UBR1: variants seen among roughly 807,000 people sequenced by gnomAD.
UBR1 encodes ubiquitin protein ligase E3 component n-recognin 1, also known as E3 ubiquitin-protein ligase UBR1.
A neutral mutation model predicts 242.1 loss-of-function variants in UBR1; 102 were observed. The ratio of observed to expected loss-of-function variants is 0.42; its 90% CI spans 0.36 to 0.50. The LOEUF is 0.50. Ranked by LOEUF, UBR1 falls within the 20% of genes least tolerant of loss-of-function variation. UBR1 has a pLI of 0.01. For missense variants in UBR1, 1,772 were observed against 2,101.8 expected, an observed-to-expected ratio of 0.84 and a Z score of 3.07; for synonymous variants, 675 against 684.8, an observed-to-expected ratio of 0.99 and a Z score of 0.22.
chr15:43,069,380 C>A (rs2033795346), intron 5 of UBR1, among the ~76,000 whole-genome samples: 1 of 151,914 alleles, frequency 6.6e-6, no homozygotes, highest in East Asian at 1.9e-4. Flanking sequence ...GGGTTCACGC[C>A]ATTCTCATGC....
intron 42 of UBR1, among the ~76,000 whole-genome samples, chr15:42,963,222 G>A (rs2032050673): frequency 6.6e-6 from 1 of 152,040 alleles, no homozygotes; most frequent in Non-Finnish European, 1.5e-5. Flanking sequence ...GCACAAGAAG[G>A]GTGGTAGGAG....
intron 9 of UBR1, 132 bp from the exon 10 acceptor site, chr15:43,058,561 A>G: frequency 3.2e-6 from 2 of 626,938 alleles, no homozygotes; most frequent in South Asian, 4.2e-5. Flanking sequence ...AATAGTATTT[A>G]TTGTATTAAT....
At chr15:43,002,161 G>T (rs1267094167) in intron 32 of UBR1, among the ~76,000 whole-genome samples, 1 of 152,092 alleles carries the variant, frequency 6.6e-6, no homozygotes, top group African/African-American at 2.4e-5. Flanking sequence ...TTCCTTTAAA[G>T]AATAAAAAAC....
intron 33 of UBR1, among the ~76,000 whole-genome samples, chr15:42,992,471 G>T (rs1222268871): frequency 6.6e-6 from 1 of 152,240 alleles, no homozygotes; most frequent in African/African-American, 2.4e-5. Flanking sequence ...CTCATCCTCT[G>T]TGGATGGTGA....
At chr15:42,984,767 C>T (rs1383896844) in intron 36 of UBR1, 120 bp downstream of exon 36, 25 of 902,340 alleles carry the variant, frequency 2.8e-5, no homozygotes, top group Non-Finnish European at 4.3e-5. Flanking sequence ...TTTTTCCCCA[C>T]TATAGAATTC....
intron 1 of UBR1, among the ~76,000 whole-genome samples, chr15:43,105,585 A>G (rs1197497194): frequency 6.6e-6 from 1 of 152,052 alleles, no homozygotes. Context: ...CTGCGTTCCC[A>G]TCATCAAGAG....
chr15:43,104,889 C>T (rs899545838), intron 1 of UBR1, among the ~76,000 whole-genome samples: 3 of 151,926 alleles, frequency 2.0e-5, no homozygotes, highest in African/African-American at 4.8e-5. Context: ...CACCTGTAAT[C>T]CCAGCTACTC....
intron 1 of UBR1, among the ~76,000 whole-genome samples, chr15:43,088,858 T>C (rs183750674): frequency 1.0e-4 from 15 of 150,590 alleles, no homozygotes; most frequent in African/African-American, 3.8e-4. Context: ...AAAAAAAACT[T>C]TTAAAAAATC....
At chr15:43,052,794 G>A (rs2033572522) in intron 12 of UBR1, among the ~76,000 whole-genome samples, 1 of 152,172 alleles carries the variant, frequency 6.6e-6, no homozygotes, top group East Asian at 1.9e-4. Context: ...TGATTGGTGT[G>A]TTAGGCCAGG....
intron 12 of UBR1, among the ~76,000 whole-genome samples, chr15:43,054,137 C>T (rs2141332486): frequency 6.6e-6 from 1 of 152,082 alleles, no homozygotes; most frequent in East Asian, 1.9e-4. Context: ...ACTGCTTGAC[C>T]CCAGGAGTCC....
intron 29 of UBR1, 149 bp from the exon 30 acceptor site, chr15:43,007,433 CCCTTT>C (rs1756424221): frequency 1.3e-6 from 1 of 785,386 alleles, no homozygotes; most frequent in Admixed American, 2.5e-5. Context: ...AAAAGCTTCC[CCCTTT>C]CCTTTGTGGC....
In UBR1 at chr15:43,047,261, C is replaced by T; in HGVS notation, c.1568G>A (p.Gly523Glu). The T allele has an allele frequency of 6.2e-7, 1 of 1,614,098 alleles. No individual in the cohort carries two copies. The highest frequency in any genetic ancestry group is 8.5e-7 in the Non-Finnish European group (1 of 1,180,020). Reference protein sequence around the residue: ...QGMEEIRRQVGQHIEVDPDWE... With the variant: ...QGMEEIRRQVEQHIEVDPDWE... The stretch of plus-strand genomic sequence containing the variant: ...ATCAGGATCCACTTCAATGTGTTGC[C>T]CAACCTGTCTTCGGATTTCTTCCAT... The change falls in exon 14 of 47, where the codon GGG becomes GAG. Residue 523 changes from glycine (G) to glutamate (E), a missense_variant. Around this residue, in one of 3 missense-constraint regions of UBR1, gnomAD observed 734 missense variants for 893.3 expected, o/e 0.82. Coordinates refer to ENST00000290650, the MANE Select transcript of UBR1 (RefSeq NM_174916.3).
rs149615048 is a variant in UBR1 at position 43,097,232 on chromosome 15, C to CTT, written c.81+8708_81+8709dup. ...ATAAGCAGTATATTTTGAAAAGAAT[C>CTT]TTTTTTTTTTCTCAGCAGTTCTCTA... On this transcript the variant is annotated intron_variant, in intron 1 of 46. Transcript: ENST00000290650. Among the ~76,000 whole-genome samples, 183 of 149,888 alleles carry CTT rather than the reference C, an allele frequency of 1.2e-3. 1 individual carries two copies. Among genetic ancestry groups the CTT allele is most frequent in the African/African-American group, 4.3e-3 (177 of 40,886 alleles).
chr15:43,020,068 C>A (rs1036570759), intron 27 of UBR1, among the ~76,000 whole-genome samples: 41 of 151,032 alleles, frequency 2.7e-4, no homozygotes, highest in African/African-American at 9.7e-4. Flanking sequence ...GAGACAGACT[C>A]TTGTTCTGTT....
chr15:42,977,835 A>C (rs1314865906), intron 38 of UBR1, 45 bp downstream of exon 38: 1 of 1,488,538 alleles, frequency 6.7e-7, no homozygotes, highest in Non-Finnish European at 9.4e-7. Context: ...AAAATACAAG[A>C]AATTATCAAC....
intron 38 of UBR1, 84 bp downstream of exon 38, chr15:42,977,796 T>G (rs2032313414): frequency 8.1e-7 from 1 of 1,232,476 alleles, no homozygotes. Flanking sequence ...ATTTATAATC[T>G]TGAACAAAGG....
At chr15:43,005,963 G>T (rs544153646) in intron 30 of UBR1, among the ~76,000 whole-genome samples, 1,549 of 149,300 alleles carry the variant, frequency 0.01, 23 homozygotes, top group African/African-American at 0.036. Context: ...AAGGCCGCAG[G>T]GTCCTCTGCC....
intron 40 of UBR1, 65 bp from the exon 41 acceptor site, chr15:42,966,351 T>C (rs2032105966): frequency 2.5e-6 from 4 of 1,584,808 alleles, no homozygotes; most frequent in East Asian, 2.2e-5. Flanking sequence ...GATTTAAACA[T>C]ATCCCCCTTT....
At chr15:43,001,170 G>A (rs1251732429) in intron 32 of UBR1, among the ~76,000 whole-genome samples, 20 of 144,830 alleles carry the variant, frequency 1.4e-4, no homozygotes, top group South Asian at 2.2e-4. Context: ...TTTTTGAGAC[G>A]GAGTCTCACA....
Sources: gnomAD v4.1 joint callset for allele counts (sites outside exome capture counted in the v4.1 genomes callset) on GRCh38, gnomAD v4.1.1 for gene constraint, gnomAD v4.1.1 regional missense constraint, MANE v1.5 for transcripts, NCBI Gene and HGNC (gene_info 2026-07-23, HGNC 2026-07-21) for gene names.